Variants in DGKZ observed in about 807,000 individuals in gnomAD.
DGKZ encodes diacylglycerol kinase zeta.
In DGKZ, 45 loss-of-function variants were observed where a neutral mutation model predicts 142.5. The ratio of observed to expected loss-of-function variants is 0.32; its 90% CI spans 0.25 to 0.40. DGKZ has a LOEUF of 0.40. Ranked by LOEUF, DGKZ falls within the 10% of genes least tolerant of loss-of-function variation. The pLI is 1.00. For missense variants in DGKZ, 755 were observed against 1,306.5 expected, an observed-to-expected ratio of 0.58 and a Z score of 6.51; for synonymous variants, 442 against 527.0, an observed-to-expected ratio of 0.84 and a Z score of 2.21.
chr11:46,352,364 C>T (rs1941501700), intron 1 of DGKZ, among the ~76,000 whole-genome samples: 1 of 152,210 alleles, frequency 6.6e-6, no homozygotes, highest in Admixed American at 6.5e-5. Flanking sequence ...TCCGCCAGTC[C>T]ACAGGCCCAC....
intron 1 of DGKZ, among the ~76,000 whole-genome samples, chr11:46,363,518 C>T (rs756431569): frequency 5.3e-5 from 8 of 152,204 alleles, no homozygotes; most frequent in Admixed American, 1.3e-4. Context: ...CCTGGGCTGC[C>T]TGGCAGTGTG....
intron 9 of DGKZ, 100 bp from the exon 10 acceptor site, chr11:46,371,975 G>T: frequency 7.8e-7 from 1 of 1,287,672 alleles, no homozygotes; most frequent in Non-Finnish European, 1.1e-6. Context: ...GGTACGTGAG[G>T]GTACAAAGAG....
At chr11:46,376,421 A>G (rs754388288) in intron 23 of DGKZ, 24 bp downstream of exon 23, 7 of 1,613,936 alleles carry the variant, frequency 4.3e-6, no homozygotes, top group African/African-American at 2.7e-5. Context: ...CAGGGTGCCA[A>G]GCTGTTTCGT....
intron 1 of DGKZ, among the ~76,000 whole-genome samples, chr11:46,360,516 G>A (rs568429214): frequency 2.3e-4 from 35 of 151,874 alleles, no homozygotes; most frequent in African/African-American, 7.7e-4. Context: ...GGCTGGGTGC[G>A]GTGGCTCATG....
chr11:46,363,927 C>T (rs551736524), intron 1 of DGKZ, among the ~76,000 whole-genome samples: 68 of 152,312 alleles, frequency 4.5e-4, no homozygotes, highest in African/African-American at 1.6e-3. Flanking sequence ...GCTGACTGGC[C>T]GTGGGACTGT....
intron 1 of DGKZ, among the ~76,000 whole-genome samples, chr11:46,362,892 T>C (rs925989671): frequency 6.6e-6 from 1 of 152,208 alleles, no homozygotes; most frequent in African/African-American, 2.4e-5. Flanking sequence ...GTCTCCTGAC[T>C]TCCTCTGTCC....
exon 31 of DGKZ, chr11:46,380,200 T>A (rs1195917956): frequency 4.8e-6 from 2 of 414,534 alleles, no homozygotes; most frequent in African/African-American, 4.1e-5. Flanking sequence ...GGGTTGGATA[T>A]GCCTTTGCCG....
chr11:46,357,902 C>T lies in DGKZ; in HGVS notation c.162-9389C>T, dbSNP rs551138972. Among the ~76,000 whole-genome samples the T allele has an allele frequency of 3.7e-4, 56 of 152,264 alleles. 1 individual carries two copies. In the South Asian group the frequency reaches 5.2e-3, roughly 14 times the overall value. ...CGGCACAGCAGTAAGTCAGGCACAG[C>T]CAGATTGGGGCACAGAGAATAGGCT... On this transcript the variant is annotated intron_variant, in intron 1 of 30. Transcript: ENST00000527911.
chr11:46,351,633 T>A (rs142504581), intron 1 of DGKZ, among the ~76,000 whole-genome samples: 72 of 152,290 alleles, frequency 4.7e-4, no homozygotes, highest in East Asian at 2.5e-3. Context: ...GAGTGGTTTG[T>A]CTCACCTGGG....
chr11:46,336,972 A>G (rs969649551), intron 1 of DGKZ, among the ~76,000 whole-genome samples: 10 of 152,120 alleles, frequency 6.6e-5, no homozygotes, highest in African/African-American at 2.4e-4. Context: ...GGTGAGCCAC[A>G]ATTGCGCCAC....
intron 1 of DGKZ, among the ~76,000 whole-genome samples, chr11:46,364,183 C>T (rs1394772895): frequency 2.6e-5 from 4 of 152,198 alleles, no homozygotes; most frequent in African/African-American, 7.2e-5. Context: ...CAGGCTTTGC[C>T]GTTAGGTAGA....
In DGKZ at chr11:46,366,593, C is replaced by T. The variant is rs370846895; in HGVS notation, c.162-698C>T. On this transcript the variant is annotated intron_variant, in intron 1 of 30. Coordinates refer to ENST00000527911, the Ensembl canonical transcript of DGKZ. The stretch of plus-strand genomic sequence containing the variant: ...GGGTGCACCCCTGCTGTTGACCGGG[C>T]TTGTGGGCATGAATGAGGAGGAGGG... 2.4e-5 allele frequency: 39 copies of T among 1,607,964 alleles called. No homozygotes were observed. The highest frequency in any genetic ancestry group is 2.6e-5 in the Non-Finnish European group (31 of 1,177,860).
At chr11:46,375,464 G>A (rs1944426104) in exon 20 of DGKZ, 4 of 1,581,404 alleles carry the variant, frequency 2.5e-6, no homozygotes, top group Admixed American at 1.8e-5. Context: ...ACGGCGAGCG[G>A]CTGACGCAGT....
intron 1 of DGKZ, chr11:46,366,770 G>T: frequency 6.5e-7 from 1 of 1,549,212 alleles, no homozygotes; most frequent in Non-Finnish European, 8.7e-7. Context: ...CGCGGATGCC[G>T]TATATGACCA....
chr11:46,356,809 A>G (rs1027600067), intron 1 of DGKZ, among the ~76,000 whole-genome samples: 18 of 152,182 alleles, frequency 1.2e-4, no homozygotes, highest in African/African-American at 4.3e-4. Context: ...CATCTGCAAT[A>G]TGAGGATACG....
rs760762923 is a variant in DGKZ at position 46,379,268 on chromosome 11, AC to A, written c.2573+36del. 13 of 1,612,422 alleles carry A rather than the reference AC, an allele frequency of 8.1e-6. No homozygotes were observed. The African/African-American group carries it at 1.5e-4, about 18-fold the overall frequency. The stretch of plus-strand genomic sequence containing the variant: ...ATCTGGGCAGTGCAGAACCGTGGTC[AC>A]CCCGGAAACCACCCTTTTCCCCACC... On this transcript the variant is annotated intron_variant, in intron 29 of 30. Transcript: ENST00000527911.
chr11:46,367,221 C>A lies in DGKZ; in HGVS notation c.162-70C>A. 1 of 1,419,096 alleles carries A rather than the reference C, an allele frequency of 7.0e-7. No homozygotes were observed. Among genetic ancestry groups the A allele is most frequent in the South Asian group, 1.2e-5 (1 of 81,714 alleles). The allele number at this position is 1,419,096 out of a possible 1,614,324, so 87.9% of individuals were successfully genotyped here. A position where few individuals can be genotyped will look rare whatever the true frequency, so the allele number is the denominator to read the frequency against. ...GCCGAGGTCACGGAAAGGGCAGAGG[C>A]CCCAGGAGGTGGGAGGAAGTAGGGT... On this transcript the variant is annotated intron_variant, in intron 1 of 30. Coordinates refer to ENST00000527911, the Ensembl canonical transcript of DGKZ. The surrounding 1 kb of genome is among the most constrained non-coding windows in gnomAD (Gnocchi z 4.1).
intron 24 of DGKZ, 88 bp downstream of exon 24, chr11:46,376,652 G>A (rs1307375670): frequency 2.0e-5 from 30 of 1,537,728 alleles, no homozygotes; most frequent in Middle Eastern, 3.4e-4. Context: ...TAGCTCCCCC[G>A]ATGGGCTCAC....
chr11:46,345,460 C>T (rs56775118), upstream of DGKZ: 1 of 1,486,502 alleles, frequency 6.7e-7, no homozygotes, highest in African/African-American at 1.5e-5. The surrounding 1 kb of genome is among the most constrained non-coding windows in gnomAD (Gnocchi z 4.1). Context: ...GCAATGAATC[C>T]TCAGCTCTGG....
Sources: gnomAD v4.1 joint callset for allele counts (sites outside exome capture counted in the v4.1 genomes callset) on GRCh38, gnomAD v4.1.1 for gene constraint, Gnocchi (gnomAD v3.1) non-coding constraint, MANE v1.5 for transcripts, NCBI Gene and HGNC (gene_info 2026-07-23, HGNC 2026-07-21) for gene names.